The following GRIP2 variants were observed in gnomAD, a reference collection of about 807,000 sequenced individuals.
GRIP2 encodes glutamate receptor interacting protein 2, also known as glutamate receptor-interacting protein 2.
A neutral mutation model predicts 108.3 loss-of-function variants in GRIP2; 58 were observed. The observed-to-expected ratio is 0.54, with a 90% CI of 0.43 to 0.67. The LOEUF (loss-of-function observed/expected upper bound fraction) is 0.67, where lower values mean the gene tolerates loss of function less well. Ranked by LOEUF, GRIP2 falls within the 30% of genes least tolerant of loss-of-function variation. The pLI, the probability that GRIP2 is intolerant of heterozygous loss-of-function variation, is 0.00. For missense variants in GRIP2, 1,278 were observed against 1,430.6 expected, an observed-to-expected ratio of 0.89 and a Z score of 1.72; for synonymous variants, 586 against 598.2, an observed-to-expected ratio of 0.98 and a Z score of 0.30.
the GRIP2 span, among the ~76,000 whole-genome samples, chr3:14,601,242 T>C: frequency 6.6e-6 from 1 of 152,038 alleles, no homozygotes. Context: ...ACAGGACAGG[T>C]TGCCCCCCAC....
intron 2 of GRIP2, 113 bp from the exon 3 acceptor site, chr3:14,525,685 C>T: frequency 7.2e-7 from 1 of 1,390,892 alleles, no homozygotes; most frequent in Non-Finnish European, 1.0e-6. Context: ...GCTGCATTGC[C>T]CTGGGTGATG....
Position 14,514,389 on chromosome 3 carries a change from C to T in GRIP2, c.1396G>A (p.Gly466Ser), listed in dbSNP as rs964047420. The T allele has an allele frequency of 5.1e-6, 8 of 1,574,346 alleles. No individual in the cohort carries two copies. Among genetic ancestry groups the T allele is most frequent in the East Asian group, 4.7e-5 (2 of 42,652 alleles). The change falls in exon 12 of 24, where the codon GGC becomes AGC. Residue 466 changes from glycine to serine, a missense_variant. Physicochemically the swap from Gly to Ser is moderately conservative, Grantham distance 56 (BLOSUM62 0). Transcript: ENST00000621039. ...CCGCCCTGGAGCTGGAGGCCAAAGC[C>T]GCTGAGGGGGTCTCCACAGAGCACG... Reference protein sequence around the residue: ...EVVLCGDPLSGFGLQLQGGIF... With the variant: ...EVVLCGDPLSSFGLQLQGGIF...
In GRIP2 at chr3:14,505,652, C is replaced by A; in HGVS notation, c.2536G>T (p.Glu846Ter). 6.2e-7 allele frequency: 1 copy of A among 1,610,120 alleles called. No individual in the cohort carries two copies. Residue 846 changes from glutamate (E) to a stop codon, truncating the protein, a stop_gained, in exon 20 of 24, where the codon GAG becomes TAG. Coordinates refer to ENST00000621039, the MANE Select transcript of GRIP2 (RefSeq NM_001080423.4). LOFTEE classifies it high-confidence loss of function. This position sits in a 1 kb window ranked among gnomAD's most constrained non-coding sequence, Gnocchi z 4.2. ...TCCCAATCATCCTCCTCCTCCTCCTCTGGAAAGCTCTCGTCAGCTGGGGTT... is the reference window on the plus strand; with the variant it reads ...TCCCAATCATCCTCCTCCTCCTCCTATGGAAAGCTCTCGTCAGCTGGGGTT... Reference protein sequence around the residue: ...TPTPADESFPEEEEEDDWEPP... With the variant: ...TPTPADESFP
At chr3:14,545,054 C>T (rs549030414), upstream of GRIP2, among the ~76,000 whole-genome samples, 5 of 152,320 alleles carry the variant, frequency 3.3e-5, no homozygotes, top group African/African-American at 9.6e-5. Context: ...CAGGAAAACA[C>T]GCAAGGCCAC....
intron 17 of GRIP2, 140 bp downstream of exon 17, chr3:14,509,680 G>A (rs1329729013): frequency 3.5e-6 from 3 of 858,566 alleles, no homozygotes; most frequent in African/African-American, 1.8e-5. Context: ...TCTCAGAGAG[G>A]GGAAGTGACT....
At chr3:14,538,069 C>T (rs1315851186) in intron 1 of GRIP2, among the ~76,000 whole-genome samples, 1 of 152,152 alleles carries the variant, frequency 6.6e-6, no homozygotes, top group African/African-American at 2.4e-5. Context: ...ACGACATGCC[C>T]AGGGTGTGGG....
At chr3:14,541,437 C>A (rs1041748315), upstream of GRIP2, among the ~76,000 whole-genome samples, 2 of 152,224 alleles carry the variant, frequency 1.3e-5, no homozygotes, top group Non-Finnish European at 2.9e-5. Context: ...ATGTGCCCTG[C>A]AGCTAGTGGG....
the GRIP2 span, among the ~76,000 whole-genome samples, chr3:14,602,950 G>A: frequency 6.7e-6 from 1 of 149,382 alleles, no homozygotes; most frequent in Non-Finnish European, 1.5e-5. This position sits in a 1 kb window ranked among gnomAD's most constrained non-coding sequence, Gnocchi z 4.7. Flanking sequence ...GCCGCTGCAG[G>A]CAGAGCGCGA....
the GRIP2 span, among the ~76,000 whole-genome samples, chr3:14,597,767 T>C: frequency 4.6e-5 from 7 of 152,106 alleles, no homozygotes; most frequent in Admixed American, 3.9e-4. Context: ...CTACAATCTA[T>C]ATCACCATTT....
rs111407877 is a variant in GRIP2, at chr3:14,520,166, C to A, written c.974G>T (p.Arg325Leu). 2.5e-6 allele frequency: 4 copies of A among 1,611,952 alleles called. No individual in the cohort carries two copies. Among genetic ancestry groups the A allele is most frequent in the Non-Finnish European group, 3.4e-6 (4 of 1,179,368 alleles). ...KLLASISEKV[R>L]LEILPVPQSQ... is the part of the protein sequence containing the mutation. The stretch of plus-strand genomic sequence containing the variant: ...CTGGGGCACAGGCAGGATCTCCAGC[C>A]GCACCTTCTCTGAAATGCTGGCCAG... The change falls in exon 9 of 24, where the codon CGG (arginine) becomes CTG (leucine). Residue 325 changes from arginine (R) to leucine (L), a missense_variant. Physicochemically the swap from Arg to Leu is moderately radical, Grantham distance 102 (BLOSUM62 -2). Transcript: ENST00000621039.
chr3:14,573,279 T>C, the GRIP2 span: 1 of 1,413,412 alleles, frequency 7.1e-7, no homozygotes, highest in Admixed American at 1.7e-5. Context: ...CTCTGCTCGG[T>C]ACAGCAGGAA....
chr3:14,502,998 G>A (rs1283706321), intron 21 of GRIP2, among the ~76,000 whole-genome samples: 5 of 152,154 alleles, frequency 3.3e-5, no homozygotes, highest in Non-Finnish European at 5.9e-5. Context: ...GTGACTTAGC[G>A]AGATCCTCTC....
chr3:14,532,943 C>T (rs1694748020), intron 1 of GRIP2, among the ~76,000 whole-genome samples: 1 of 152,242 alleles, frequency 6.6e-6, no homozygotes, highest in Admixed American at 6.5e-5. Flanking sequence ...AGAAAGGTCC[C>T]AGTTGCCAAC....
At chr3:14,601,743 T>C in the GRIP2 span, among the ~76,000 whole-genome samples, 1 of 152,270 alleles carries the variant, frequency 6.6e-6, no homozygotes, top group East Asian at 1.9e-4. Context: ...GCTCTCTCCG[T>C]CTTCCTCCAC....
chr3:14,548,256 AC>A (rs1359951537), intron 1 of GRIP2, among the ~76,000 whole-genome samples: 4 of 152,206 alleles, frequency 2.6e-5, no homozygotes, highest in African/African-American at 4.8e-5. Flanking sequence ...GGTTCCGCAG[AC>A]ACAGTTCTGC....
At chr3:14,517,919 G>A in intron 9 of GRIP2, 22 bp from the exon 10 acceptor site, 1 of 1,525,752 alleles carries the variant, frequency 6.6e-7, no homozygotes, top group Non-Finnish European at 8.8e-7. Flanking sequence ...GGAGAAAGAG[G>A]AAAGAGAGGT....
chr3:14,559,638 G>A (rs1299034101), upstream of GRIP2, among the ~76,000 whole-genome samples: 1 of 152,112 alleles, frequency 6.6e-6, no homozygotes, highest in African/African-American at 2.4e-5. Flanking sequence ...CTAGGGCTCA[G>A]CCTGTTCAGA....
At chr3:14,502,893 C>G (rs890843440) in intron 21 of GRIP2, among the ~76,000 whole-genome samples, 2 of 152,008 alleles carry the variant, frequency 1.3e-5, no homozygotes, top group African/African-American at 4.8e-5. Context: ...AAAAATGACC[C>G]CAATCAATAA....
intron 1 of GRIP2, among the ~76,000 whole-genome samples, chr3:14,539,477 C>T (rs1215139684): frequency 6.6e-6 from 1 of 152,136 alleles, no homozygotes; most frequent in African/African-American, 2.4e-5. Flanking sequence ...CCTCCCTGAG[C>T]CTTGGTTTCC....
Sources: gnomAD v4.1 joint callset for allele counts (sites outside exome capture counted in the v4.1 genomes callset) on GRCh38, gnomAD v4.1.1 for gene constraint, Gnocchi (gnomAD v3.1) non-coding constraint, MANE v1.5 for transcripts, NCBI Gene and HGNC (gene_info 2026-07-23, HGNC 2026-07-21) for gene names.